The following RHOBTB3 variants were observed in gnomAD, a reference collection of about 807,000 sequenced individuals.
RHOBTB3 encodes rho-related BTB domain-containing protein 3.
Under a neutral mutation model 67.2 loss-of-function variants are expected in RHOBTB3, and 47 were observed. The ratio of observed to expected loss-of-function variants is 0.70; its 90% CI spans 0.55 to 0.89. The LOEUF is 0.89. Among genes scored for constraint, RHOBTB3 ranks in the 40% least tolerant of loss-of-function variants. The probability of loss-of-function intolerance (pLI) is 0.00; values close to 1 mark genes in which losing one functional copy is unlikely to be tolerated. For missense variants in RHOBTB3, 631 were observed against 750.0 expected, an observed-to-expected ratio of 0.84 and a Z score of 1.85; for synonymous variants, 273 against 274.2, an observed-to-expected ratio of 1.00 and a Z score of 0.04.
chr5:95,777,774 A>G lies in RHOBTB3; in HGVS notation c.1283-2478A>G, dbSNP rs969115761. 7.4e-4 allele frequency among the ~76,000 whole-genome samples: 112 copies of G among 152,234 alleles called. 2 individuals carry two copies. The highest frequency in any genetic ancestry group is 4.4e-5 in the Non-Finnish European group (3 of 68,046). On this transcript the variant is annotated intron_variant, in intron 8 of 11. Transcript: ENST00000379982. ...TGATGTTTTCTTAACAGGAAGCGTA[A>G]TGGTTTTCCAAACTAAATTCCAACC...
intron 8 of RHOBTB3, chr5:95,769,625 C>T (rs951892857): frequency 2.4e-5 from 4 of 164,804 alleles, no homozygotes; most frequent in Non-Finnish European, 5.2e-5. Context: ...GTTAGAATCA[C>T]CAGATCTAAT....
At chr5:95,782,389 G>A (rs1746075949) in intron 9 of RHOBTB3, 2 of 152,322 alleles carry the variant, frequency 1.3e-5, no homozygotes, top group South Asian at 4.1e-4. Flanking sequence ...GGGGGAAACA[G>A]GGAGTTAGTG....
At chr5:95,754,188 C>T (rs1369841757) in intron 5 of RHOBTB3, among the ~76,000 whole-genome samples, 1 of 152,216 alleles carries the variant, frequency 6.6e-6, no homozygotes, top group Non-Finnish European at 1.5e-5. Context: ...AAAAGTGTCT[C>T]TTCAGGAAAT....
Position 95,796,152 on chromosome 5 carries a change from A to G in RHOBTB3, c.*2978A>G, listed in dbSNP as rs943216134. ...AAGACAGCTAAACTTTTCAACTGCA[A>G]TTTTAAAAACTACACTACACTGTTA... is the stretch of plus-strand genomic sequence containing the variant. On this transcript the variant is annotated 3_prime_UTR_variant, in exon 12 of 12. Coordinates refer to ENST00000379982, the MANE Select transcript of RHOBTB3 (RefSeq NM_014899.4). 13 of 152,242 alleles carry G rather than the reference A, an allele frequency of 8.5e-5. No individual in the cohort carries two copies. The highest frequency in any genetic ancestry group is 2.0e-4 in the Admixed American group (3 of 15,290). 9.4% of individuals were successfully genotyped at this position (152,242 alleles called of 1,614,324 possible). A position where few individuals can be genotyped will look rare whatever the true frequency, so the allele number is the denominator to read the frequency against.
chr5:95,786,888 TAC>T (rs1746238730), intron 10 of RHOBTB3, among the ~76,000 whole-genome samples: 1 of 152,232 alleles, frequency 6.6e-6, no homozygotes, highest in African/African-American at 2.4e-5. Context: ...CCATTCCTGT[TAC>T]AGAGTCCCTA....
chr5:95,775,898 TTAATTA>T lies in RHOBTB3; in HGVS notation c.1283-4350_1283-4345del, dbSNP rs140432295. 6.2e-3 allele frequency among the ~76,000 whole-genome samples: 948 copies of T among 152,310 alleles called. 12 individuals are homozygous for T. Among genetic ancestry groups the T allele is most frequent in the South Asian group, 0.048 (231 of 4,826 alleles). On this transcript the variant is annotated intron_variant, in intron 8 of 11. Transcript: ENST00000379982. Reference sequence around the variant, plus strand: ...AAGGATCAGTAATCAGTCTCAAATCTTAATTATAAACTTTTTTTAAGTTACAGTGAA... The same window carrying T: ...AAGGATCAGTAATCAGTCTCAAATCTTAAACTTTTTTTAAGTTACAGTGAA...
chr5:95,736,381 A>G (rs1309544091), intron 2 of RHOBTB3, among the ~76,000 whole-genome samples: 1 of 152,218 alleles, frequency 6.6e-6, no homozygotes, highest in African/African-American at 2.4e-5. Flanking sequence ...GGATGGATAA[A>G]GTTGAAAAGT....
At chr5:95,757,671 A>G (rs1015637511) in intron 6 of RHOBTB3, among the ~76,000 whole-genome samples, 1 of 152,252 alleles carries the variant, frequency 6.6e-6, no homozygotes, top group Non-Finnish European at 1.5e-5. Flanking sequence ...ACGCAGATTT[A>G]TGTGGATAAA....
At chr5:95,769,379 A>T in intron 8 of RHOBTB3, 1 of 390,842 alleles carries the variant, frequency 2.6e-6, no homozygotes, top group Admixed American at 2.7e-5. Flanking sequence ...TGGTCAAGAA[A>T]GTCTTCGAGA....
At position 95,793,959 on chromosome 5, in the gene RHOBTB3, G is replaced by C. The variant is rs1465734806; in HGVS notation, c.*785G>C. 2.2e-6 allele frequency: 1 copy of C among 454,850 alleles called. No homozygotes were observed. The allele number at this position is 454,850 out of a possible 1,614,324, so 28.2% of individuals were successfully genotyped here. ...GTGCTGAGCCCTCAAAATTATGTCT[G>C]TTTCGTGGTGGGAAATATCCTATGT... On this transcript the variant is annotated 3_prime_UTR_variant, in exon 12 of 12. Coordinates refer to ENST00000379982, the MANE Select transcript of RHOBTB3 (RefSeq NM_014899.4).
intron 7 of RHOBTB3, among the ~76,000 whole-genome samples, chr5:95,766,831 G>A (rs1380049705): frequency 1.3e-5 from 2 of 152,134 alleles, no homozygotes; most frequent in African/African-American, 2.4e-5. Context: ...TCTCCGGAAC[G>A]CCAGATCAAA....
chr5:95,744,933 T>C (rs1163490001), intron 3 of RHOBTB3, among the ~76,000 whole-genome samples: 1 of 151,654 alleles, frequency 6.6e-6, no homozygotes, highest in Non-Finnish European at 1.5e-5. Flanking sequence ...TTGCCAGGTG[T>C]GGTGATGCAC....
At chr5:95,773,228 C>G (rs1745770046) in intron 8 of RHOBTB3, among the ~76,000 whole-genome samples, 1 of 152,184 alleles carries the variant, frequency 6.6e-6, no homozygotes, top group African/African-American at 2.4e-5. Flanking sequence ...GCACCTGCTC[C>G]CCTTTCACCC....
chr5:95,755,844 T>G, intron 6 of RHOBTB3, 83 bp downstream of exon 6: 2 of 1,425,024 alleles, frequency 1.4e-6, no homozygotes, highest in Non-Finnish European at 1.9e-6. Flanking sequence ...AGGGTACTGG[T>G]TAGTTTTACA....
intron 1 of RHOBTB3, among the ~76,000 whole-genome samples, chr5:95,724,508 A>T (rs978396968): frequency 1.3e-5 from 2 of 152,214 alleles, no homozygotes; most frequent in African/African-American, 4.8e-5. Flanking sequence ...ATAATGAAGG[A>T]GTTAGTTTCA....
At chr5:95,737,908 A>G (rs777604993) in intron 3 of RHOBTB3, among the ~76,000 whole-genome samples, 1 of 152,206 alleles carries the variant, frequency 6.6e-6, no homozygotes, top group Non-Finnish European at 1.5e-5. Context: ...GGTAACTGCT[A>G]TTCTGACTTC....
At chr5:95,790,274 C>T (rs2112842085) in intron 11 of RHOBTB3, among the ~76,000 whole-genome samples, 2 of 152,322 alleles carry the variant, frequency 1.3e-5, no homozygotes, top group Admixed American at 1.3e-4. Context: ...AAGGAACATT[C>T]TTCTATAGTT....
At chr5:95,769,912 C>T (rs2112816629) in intron 8 of RHOBTB3, 1 of 357,734 alleles carries the variant, frequency 2.8e-6, no homozygotes, top group Non-Finnish European at 5.4e-6. Context: ...AGGCTAAAAG[C>T]TGGTCCTCAG....
At chr5:95,749,034 T>C (rs1285482593) in intron 4 of RHOBTB3, among the ~76,000 whole-genome samples, 1 of 152,242 alleles carries the variant, frequency 6.6e-6, no homozygotes, top group Non-Finnish European at 1.5e-5. Flanking sequence ...GTGGCGCATA[T>C]TGGGTTCTGC....
Sources: gnomAD v4.1 joint callset for allele counts (sites outside exome capture counted in the v4.1 genomes callset) on GRCh38, gnomAD v4.1.1 for gene constraint, MANE v1.5 for transcripts, NCBI Gene and HGNC (gene_info 2026-07-23, HGNC 2026-07-21) for gene names.